The following CADPS2 variants were observed in gnomAD, a reference collection of about 807,000 sequenced individuals.
CADPS2 encodes the protein calcium-dependent secretion activator 2.
A neutral mutation model predicts 172.5 loss-of-function variants in CADPS2; 93 were observed. That is an observed-to-expected ratio of 0.54 (90% CI 0.46 to 0.64). The LOEUF is 0.64. Ranked by LOEUF, CADPS2 falls within the 30% of genes least tolerant of loss-of-function variation. The pLI is 0.00. For synonymous variants in CADPS2, 546 were observed against 555.2 expected (o/e 0.98, Z 0.23); for missense variants, 1,420 against 1,565.9 (o/e 0.91, Z 1.57).
intron 9 of CADPS2, among the ~76,000 whole-genome samples, chr7:122,511,359 A>G (rs918434063): frequency 2.6e-5 from 4 of 152,176 alleles, no homozygotes; most frequent in Non-Finnish European, 5.9e-5. Flanking sequence ...ATCATATGCT[A>G]GAAAATAAGA....
At position 122,834,623 on chromosome 7, in the gene CADPS2, A is replaced by T. The variant is rs569597273; in HGVS notation, c.339+51376T>A. On this transcript the variant is annotated intron_variant, in intron 1 of 29. Coordinates refer to ENST00000449022, the MANE Select transcript of CADPS2 (RefSeq NM_017954.11). Reference sequence around the variant, plus strand: ...TTTTCCAAGGGTCTTAGCAAACAGCATACCAGGAGATTATATACGGCGCCT... The same window carrying T: ...TTTTCCAAGGGTCTTAGCAAACAGCTTACCAGGAGATTATATACGGCGCCT... 2.0e-4 allele frequency among the ~76,000 whole-genome samples: 31 copies of T among 152,338 alleles called. No individual in the cohort carries two copies. In the South Asian group the frequency reaches 2.1e-3, roughly 10 times the overall value.
chr7:122,357,574 A>G (rs1409269229), intron 27 of CADPS2, among the ~76,000 whole-genome samples: 1 of 152,188 alleles, frequency 6.6e-6, no homozygotes, highest in Non-Finnish European at 1.5e-5. Context: ...TCATGTATCT[A>G]CCATTACAAT....
chr7:122,532,991 C>G (rs2061912197), intron 8 of CADPS2, among the ~76,000 whole-genome samples: 1 of 151,750 alleles, frequency 6.6e-6, no homozygotes, highest in South Asian at 2.1e-4. Context: ...CCATAACATA[C>G]TCAGTAACAG....
At chr7:122,430,454 C>G (rs1585952582) in intron 17 of CADPS2, among the ~76,000 whole-genome samples, 1 of 152,202 alleles carries the variant, frequency 6.6e-6, no homozygotes, top group Middle Eastern at 3.4e-3. Context: ...AAAATAATAT[C>G]TAATTTGCAT....
chr7:122,842,167 G>T (rs546007035), intron 1 of CADPS2, among the ~76,000 whole-genome samples: 1 of 152,184 alleles, frequency 6.6e-6, no homozygotes, highest in Non-Finnish European at 1.5e-5. Flanking sequence ...CCCCTGCAAG[G>T]GAAGAGCCAG....
chr7:122,508,739 G>C (rs181632981), intron 9 of CADPS2, among the ~76,000 whole-genome samples: 17 of 152,200 alleles, frequency 1.1e-4, no homozygotes, highest in Non-Finnish European at 1.6e-4. Context: ...CATTAGGAAT[G>C]AATGGATGTG....
intron 28 of CADPS2, 49 bp downstream of exon 28, chr7:122,345,525 T>C (rs1287062047): frequency 3.2e-5 from 35 of 1,111,098 alleles, no homozygotes; most frequent in Non-Finnish European, 4.5e-5. Context: ...ACTTTTCTCT[T>C]TGCAGTTTAT....
intron 8 of CADPS2, among the ~76,000 whole-genome samples, chr7:122,536,950 T>G (rs1484142120): frequency 6.6e-6 from 1 of 152,018 alleles, no homozygotes; most frequent in East Asian, 1.9e-4. Context: ...TGTTTTCACT[T>G]ATAAGCGGGA....
chr7:122,443,985 C>T (rs1586097037), intron 15 of CADPS2, among the ~76,000 whole-genome samples: 1 of 152,120 alleles, frequency 6.6e-6, no homozygotes, highest in Middle Eastern at 3.4e-3. Context: ...CAAGTCTTCC[C>T]CCCAGATCAC....
intron 25 of CADPS2, among the ~76,000 whole-genome samples, chr7:122,373,077 T>C (rs1180994199): frequency 1.3e-5 from 2 of 152,230 alleles, no homozygotes; most frequent in African/African-American, 2.4e-5. Flanking sequence ...GTCACAAATG[T>C]ACAGTTACAG....
rs189631964 is a variant in CADPS2 at position 122,456,113 on chromosome 7, T to C, written c.2187-4638A>G. ...GGTAAAAAGATCTCTAAAGTTAGTA[T>C]GTATTCACACTTAGCAGAAAATCTT... On this transcript the variant is annotated intron_variant, in intron 14 of 29. Coordinates refer to ENST00000449022, the MANE Select transcript of CADPS2 (RefSeq NM_017954.11). 7.1e-4 allele frequency among the ~76,000 whole-genome samples: 108 copies of C among 152,318 alleles called. 1 individual carries two copies. In the East Asian group the frequency reaches 0.018, roughly 25 times the overall value.
At chr7:122,510,305 TA>T (rs1177689277) in intron 9 of CADPS2, among the ~76,000 whole-genome samples, 1 of 152,168 alleles carries the variant, frequency 6.6e-6, no homozygotes, top group African/African-American at 2.4e-5. Flanking sequence ...AAATTCTATT[TA>T]TTATTATAAC....
chr7:122,629,103 G>T, intron 4 of CADPS2, 145 bp downstream of exon 4: 1 of 498,368 alleles, frequency 2.0e-6, no homozygotes, highest in Non-Finnish European at 3.5e-6. Context: ...CAGATATTTG[G>T]GATTAAGAGG....
At chr7:122,628,556 T>C (rs745903925) in intron 4 of CADPS2, among the ~76,000 whole-genome samples, 3 of 151,660 alleles carry the variant, frequency 2.0e-5, no homozygotes, top group Non-Finnish European at 4.4e-5. Flanking sequence ...TGCAAGTCCA[T>C]TGAAAAGAAC....
chr7:122,320,127 G>A lies in CADPS2; in HGVS notation c.*38C>T, dbSNP rs769037631. The stretch of plus-strand genomic sequence containing the variant: ...GGTTAAAAAAATAAAAAACAATGTC[G>A]ATCAAGGTCTTCCTTCCTTCTGCAA... On this transcript the variant is annotated 3_prime_UTR_variant, in exon 30 of 30. Coordinates refer to ENST00000449022, the MANE Select transcript of CADPS2 (RefSeq NM_017954.11). 1.7e-5 allele frequency: 26 copies of A among 1,492,830 alleles called. No individual in the cohort carries two copies. The Middle Eastern group carries it at 5.4e-4, about 31-fold the overall frequency. The allele number at this position is 1,492,830 out of a possible 1,614,324, so 92.5% of individuals were successfully genotyped here. A position where few individuals can be genotyped will look rare whatever the true frequency, so the allele number is the denominator to read the frequency against.
intron 1 of CADPS2, among the ~76,000 whole-genome samples, chr7:122,764,923 T>G (rs778600382): frequency 7.2e-5 from 11 of 152,142 alleles, no homozygotes; most frequent in Non-Finnish European, 1.6e-4. Flanking sequence ...AACCCACACT[T>G]GTAGCCCAGG....
chr7:122,373,424 T>G lies in CADPS2; in HGVS notation c.3387+5944A>C, dbSNP rs184099651. On this transcript the variant is annotated intron_variant, in intron 25 of 29. Transcript: ENST00000449022. ...TTTTTTTGTGTATGTGTGCTAACAT[T>G]TAAGAATCATTGCCTTACAAGATGT... 1.7e-4 allele frequency among the ~76,000 whole-genome samples: 26 copies of G among 152,266 alleles called. No homozygotes were observed. In the East Asian group the frequency reaches 4.6e-3, roughly 27 times the overall value.
intron 8 of CADPS2, among the ~76,000 whole-genome samples, chr7:122,542,461 T>A (rs1462427838): frequency 3.9e-5 from 6 of 152,180 alleles, no homozygotes; most frequent in Non-Finnish European, 8.8e-5. Context: ...AAGGTATTAT[T>A]AGCAGATTCT....
chr7:122,799,286 G>C (rs1015228990), intron 1 of CADPS2, among the ~76,000 whole-genome samples: 1 of 152,152 alleles, frequency 6.6e-6, no homozygotes, highest in African/African-American at 2.4e-5. Context: ...AGAGAAGACA[G>C]AAGCATATTT....
Sources: gnomAD v4.1 joint callset for allele counts (sites outside exome capture counted in the v4.1 genomes callset) on GRCh38, gnomAD v4.1.1 for gene constraint, MANE v1.5 for transcripts, NCBI Gene and HGNC (gene_info 2026-07-23, HGNC 2026-07-21) for gene names.